Variants in PTPRD observed in about 807,000 individuals in gnomAD.
The protein encoded by PTPRD is receptor-type tyrosine-protein phosphatase delta.
In PTPRD, 34 loss-of-function variants were observed where a neutral mutation model predicts 214.5. The ratio of observed to expected loss-of-function variants is 0.16; its 90% confidence interval spans 0.12 to 0.21. The LOEUF (loss-of-function observed/expected upper bound fraction) is 0.21. PTPRD is among the 10% of genes least tolerant of loss of function. The pLI is 1.00. For synonymous variants in PTPRD, 1,128 were observed against 845.7 expected (o/e 1.33, Z -5.79); for missense variants, 2,545 against 2,398.7 (o/e 1.06, Z -1.27).
intron 4 of PTPRD, among the ~76,000 whole-genome samples, chr9:10,018,994 T>C (rs1326958855): frequency 6.6e-6 from 1 of 152,120 alleles, no homozygotes; most frequent in Non-Finnish European, 1.5e-5. Flanking sequence ...ACAGGCAACC[T>C]ACAGAATGGG....
chr9:9,759,824 T>C (rs1464753191), intron 6 of PTPRD, among the ~76,000 whole-genome samples: 3 of 152,164 alleles, frequency 2.0e-5, no homozygotes, highest in African/African-American at 4.8e-5. Flanking sequence ...CCCAAAGTGC[T>C]GAGATTACAG....
intron 7 of PTPRD, among the ~76,000 whole-genome samples, chr9:9,649,214 T>C (rs2096272668): frequency 6.6e-6 from 1 of 152,190 alleles, no homozygotes; most frequent in Non-Finnish European, 1.5e-5. Flanking sequence ...CCTGTGTACA[T>C]ATTAGCAGAA....
chr9:10,348,635 C>A (rs927147281), intron 2 of PTPRD, among the ~76,000 whole-genome samples: 1 of 152,156 alleles, frequency 6.6e-6, no homozygotes, highest in Non-Finnish European at 1.5e-5. Flanking sequence ...TTTACCTCCC[C>A]TGTTTGCATA....
At chr9:9,220,494 A>G (rs753913687) in intron 9 of PTPRD, among the ~76,000 whole-genome samples, 2 of 151,898 alleles carry the variant, frequency 1.3e-5, no homozygotes, top group African/African-American at 4.8e-5. Context: ...TGCATTGGGG[A>G]TATATTCTTT....
At chr9:8,824,115 C>G (rs911430960) in intron 11 of PTPRD, among the ~76,000 whole-genome samples, 2 of 152,150 alleles carry the variant, frequency 1.3e-5, no homozygotes, top group Non-Finnish European at 2.9e-5. Context: ...TTTACTGTTA[C>G]CTTTTATTAG....
At chr9:10,259,537 A>C (rs1038189315) in intron 3 of PTPRD, among the ~76,000 whole-genome samples, 3 of 152,170 alleles carry the variant, frequency 2.0e-5, no homozygotes, top group African/African-American at 7.2e-5. Context: ...CTTTAGGATC[A>C]GCCCAAGACA....
chr9:10,475,442 G>A (rs186945031), intron 2 of PTPRD, among the ~76,000 whole-genome samples: 30 of 151,890 alleles, frequency 2.0e-4, no homozygotes, highest in African/African-American at 5.6e-4. Context: ...CAAAGAAGTC[G>A]AATCCCTGAA....
chr9:10,121,832 A>G (rs1448782567), intron 3 of PTPRD, among the ~76,000 whole-genome samples: 1 of 152,014 alleles, frequency 6.6e-6, no homozygotes, highest in Non-Finnish European at 1.5e-5. Flanking sequence ...TCCAACCATG[A>G]GGATTGAGGG....
chr9:8,602,863 T>G (rs560548075), intron 14 of PTPRD, among the ~76,000 whole-genome samples: 4 of 152,212 alleles, frequency 2.6e-5, no homozygotes, highest in African/African-American at 9.7e-5. Context: ...TCCATCTCCA[T>G]CTCTATGCAC....
chr9:8,767,217 G>C (rs1333105650), intron 11 of PTPRD, among the ~76,000 whole-genome samples: 1 of 151,934 alleles, frequency 6.6e-6, no homozygotes, highest in African/African-American at 2.4e-5. Context: ...TCCCAGGTTT[G>C]AGTGATTCTC....
chr9:9,752,068 G>C (rs900616899), intron 6 of PTPRD, among the ~76,000 whole-genome samples: 10 of 152,064 alleles, frequency 6.6e-5, no homozygotes, highest in Admixed American at 6.6e-4. Flanking sequence ...TAAGTCAGGA[G>C]ACAATGAAGG....
chr9:10,184,624 G>A (rs1460211263), intron 3 of PTPRD, among the ~76,000 whole-genome samples: 1 of 152,020 alleles, frequency 6.6e-6, no homozygotes, highest in Non-Finnish European at 1.5e-5. Context: ...GTGAATAGTG[G>A]AATTATGCCC....
At chr9:8,585,017 T>C (rs577356481) in intron 14 of PTPRD, among the ~76,000 whole-genome samples, 154 of 152,212 alleles carry the variant, frequency 1.0e-3, no homozygotes, top group African/African-American at 3.6e-3. Flanking sequence ...CTCCCACTGG[T>C]TCCCTCTCAT....
intron 2 of PTPRD, among the ~76,000 whole-genome samples, chr9:10,536,021 T>A (rs1286431765): frequency 1.3e-5 from 2 of 152,050 alleles, no homozygotes. Flanking sequence ...TAAAAGAGTT[T>A]TTTTCCAGTG....
chr9:8,586,388 C>G (rs1293084130), intron 14 of PTPRD, among the ~76,000 whole-genome samples: 1 of 152,176 alleles, frequency 6.6e-6, no homozygotes, highest in Non-Finnish European at 1.5e-5. Context: ...TTCACCAGCT[C>G]ATATTTCTTC....
At chr9:9,993,443 T>C (rs890786877) in intron 4 of PTPRD, among the ~76,000 whole-genome samples, 1 of 152,204 alleles carries the variant, frequency 6.6e-6, no homozygotes, top group Non-Finnish European at 1.5e-5. Flanking sequence ...AGTGGTGAGA[T>C]GATCTTATAA....
chr9:8,360,370 G>A (rs954293747), intron 39 of PTPRD, among the ~76,000 whole-genome samples: 2 of 152,156 alleles, frequency 1.3e-5, no homozygotes, highest in African/African-American at 4.8e-5. Context: ...TCAAATAAGA[G>A]TTCTTAGTCC....
At position 8,915,303 on chromosome 9, in the gene PTPRD, A is replaced by G. The variant is rs1367455806; in HGVS notation, c.-104+103394T>C. The stretch of plus-strand genomic sequence containing the variant: ...ATAGTTTAGATGAAAACCAGTGTCA[A>G]TGAAGGTCGAAGATGCTACAACACT... On this transcript the variant is annotated intron_variant, in intron 11 of 45. Coordinates refer to ENST00000381196, the MANE Select transcript of PTPRD (RefSeq NM_002839.4). Among the ~76,000 whole-genome samples the G allele has an allele frequency of 2.0e-5, 3 of 152,306 alleles. No individual in the cohort carries two copies. The South Asian group carries it at 6.2e-4, about 32-fold the overall frequency.
At chr9:8,543,449 C>G (rs2079011087) in intron 14 of PTPRD, among the ~76,000 whole-genome samples, 1 of 152,182 alleles carries the variant, frequency 6.6e-6, no homozygotes, top group Admixed American at 6.5e-5. Flanking sequence ...GGCTATGAGG[C>G]TGCTGAATAA....
Sources: gnomAD v4.1 joint callset for allele counts (sites outside exome capture counted in the v4.1 genomes callset) on GRCh38, gnomAD v4.1.1 for gene constraint, MANE v1.5 for transcripts, NCBI Gene and HGNC (gene_info 2026-07-23, HGNC 2026-07-21) for gene names.